Variants in SIDT1 observed in about 807,000 individuals in gnomAD.
SIDT1 encodes the protein SID1 transmembrane family, member 1.
In SIDT1, 101 loss-of-function variants were observed where a neutral mutation model predicts 107.5. That is an observed-to-expected ratio of 0.94 (90% CI 0.80 to 1.11). The LOEUF (loss-of-function observed/expected upper bound fraction) is 1.11, where lower values mean the gene tolerates loss of function less well. SIDT1 is among the 50% of genes least tolerant of loss of function. SIDT1 has a pLI of 0.00. For synonymous variants in SIDT1, 395 were observed against 398.2 expected, an observed-to-expected ratio of 0.99 and a Z score of 0.10; for missense variants, 1,076 against 1,058.2, an observed-to-expected ratio of 1.02 and a Z score of -0.23.
chr3:113,542,902 TTGTGTGTGTG>T lies in SIDT1; in HGVS notation c.222+9687_222+9696del, dbSNP rs71625216. Reference sequence around the variant, plus strand: ...AGACTTTTAATTAGTTTTTGCTTGGTTGTGTGTGTGTGTGTGTGTGTGTGTGTGTGTGTGT... The same window carrying T: ...AGACTTTTAATTAGTTTTTGCTTGGTTGTGTGTGTGTGTGTGTGTGTGTGT... On this transcript the variant is annotated intron_variant, in intron 1 of 24. Transcript: ENST00000264852. 2.4e-3 allele frequency among the ~76,000 whole-genome samples: 354 copies of T among 145,242 alleles called. 2 individuals carry two copies. Among genetic ancestry groups the T allele is most frequent in the African/African-American group, 7.7e-3 (301 of 39,158 alleles).
chr3:113,605,036 C>G, intron 14 of SIDT1, 60 bp downstream of exon 14: 1 of 1,566,676 alleles, frequency 6.4e-7, no homozygotes, highest in Admixed American at 1.7e-5. Context: ...GGGAGAGTCT[C>G]CACTGTGACT....
At chr3:113,610,932 A>C in intron 17 of SIDT1, 76 bp from the exon 18 acceptor site, 1 of 1,544,486 alleles carries the variant, frequency 6.5e-7, no homozygotes, top group Non-Finnish European at 8.8e-7. Flanking sequence ...TCAGAGTCTG[A>C]AGAAAAATCT....
Position 113,572,996 on chromosome 3 carries a change from CT to C in SIDT1, c.516-3913del, listed in dbSNP as rs67858249. Among the ~76,000 whole-genome samples, 344 of 145,568 alleles carry C rather than the reference CT, an allele frequency of 2.4e-3. 1 individual carries two copies. Among genetic ancestry groups the C allele is most frequent in the African/African-American group, 6.3e-3 (250 of 39,908 alleles). ...GAGACTACAATAAAGATTTACATTCCTTTTTTTTTTTTTCTCTCTTAATGAT... is the reference window on the plus strand; with the variant it reads ...GAGACTACAATAAAGATTTACATTCCTTTTTTTTTTTTCTCTCTTAATGAT... On this transcript the variant is annotated intron_variant, in intron 3 of 24. Transcript: ENST00000264852.
the SIDT1 span, among the ~76,000 whole-genome samples, chr3:113,635,360 C>T: frequency 6.6e-6 from 1 of 152,070 alleles, no homozygotes; most frequent in Non-Finnish European, 1.5e-5. Flanking sequence ...GGTTAAAAAA[C>T]ATTCAAAAAC....
rs1187331925 is a variant in SIDT1 at position 113,532,608 on chromosome 3, G to A, written c.-414G>A. On this transcript the variant is annotated 5_prime_UTR_variant, in exon 1 of 25. Coordinates refer to ENST00000264852, the MANE Select transcript of SIDT1 (RefSeq NM_017699.3). ...CGATGTGGCGTCAGGTTGACTTTTC[G>A]AGACTAGCGGGTATTTCTTTTTAAT... 1 of 163,188 alleles carries A rather than the reference G, an allele frequency of 6.1e-6. No homozygotes were observed. The highest frequency in any genetic ancestry group is 2.4e-5 in the African/African-American group (1 of 41,952). The allele number at this position is 163,188 out of a possible 1,614,324, so 10.1% of individuals were successfully genotyped here.
chr3:113,626,992 T>C (rs1344015677), intron 24 of SIDT1, among the ~76,000 whole-genome samples: 1 of 152,144 alleles, frequency 6.6e-6, no homozygotes, highest in Non-Finnish European at 1.5e-5. Context: ...GCTTGGCCAA[T>C]CTGTATAAAC....
rs1947054951 is a variant in SIDT1 at position 113,629,501 on chromosome 3, C to G, written c.*1793C>G. The G allele has an allele frequency of 6.6e-6, 1 of 152,186 alleles. No individual in the cohort carries two copies. The allele number at this position is 152,186 out of a possible 1,614,324, so 9.4% of individuals were successfully genotyped here. A position where few individuals can be genotyped will look rare whatever the true frequency, so the allele number is the denominator to read the frequency against. On this transcript the variant is annotated 3_prime_UTR_variant, in exon 25 of 25. Transcript: ENST00000264852. ...GCAGTGAACTATGATTGTGCCCCTG[C>G]ACTCCAGCCTGGATGACAGAGTGAG...
chr3:113,578,832 G>T lies in SIDT1; in HGVS notation c.562-1776G>T, dbSNP rs115282541. The stretch of plus-strand genomic sequence containing the variant: ...ATTGTGCCATTGCACCCTAGCCTGG[G>T]TGACAGCGTGAGACCCTATCTCTGA... On this transcript the variant is annotated intron_variant, in intron 4 of 24. Coordinates refer to ENST00000264852, the MANE Select transcript of SIDT1 (RefSeq NM_017699.3). Among the ~76,000 whole-genome samples, 508 of 152,198 alleles carry T rather than the reference G, an allele frequency of 3.3e-3. 2 individuals are homozygous for T. The highest frequency in any genetic ancestry group is 6.0e-3 in the Non-Finnish European group (405 of 68,014).
intron 21 of SIDT1, among the ~76,000 whole-genome samples, chr3:113,620,973 G>A (rs1343616727): frequency 6.6e-6 from 1 of 152,134 alleles, no homozygotes; most frequent in Non-Finnish European, 1.5e-5. Flanking sequence ...TGGAACAAAA[G>A]GGCCTCTAGG....
intron 10 of SIDT1, among the ~76,000 whole-genome samples, chr3:113,600,120 G>A (rs1384429560): frequency 1.3e-5 from 2 of 152,038 alleles, no homozygotes; most frequent in African/African-American, 2.4e-5. Flanking sequence ...GACCAGCCTG[G>A]CCAACATGGT....
chr3:113,533,639 A>T (rs1937739310), intron 1 of SIDT1, among the ~76,000 whole-genome samples: 1 of 152,214 alleles, frequency 6.6e-6, no homozygotes, highest in Admixed American at 6.5e-5. Flanking sequence ...ACCTAATTTC[A>T]AGTGGCTGAT....
downstream of SIDT1, among the ~76,000 whole-genome samples, chr3:113,632,044 G>A (rs374038695): frequency 8.6e-5 from 13 of 152,042 alleles, no homozygotes; most frequent in African/African-American, 3.1e-4. Flanking sequence ...TTTCACTGGA[G>A]ATGAACAATA....
chr3:113,557,968 C>T (rs1365191709), intron 1 of SIDT1, among the ~76,000 whole-genome samples: 1 of 152,154 alleles, frequency 6.6e-6, no homozygotes, highest in African/African-American at 2.4e-5. Flanking sequence ...TAAAGAGAGG[C>T]AGTTAGTGCT....
chr3:113,615,154 C>G, intron 19 of SIDT1: 1 of 1,451,150 alleles, frequency 6.9e-7, no homozygotes, highest in Non-Finnish European at 9.3e-7. Flanking sequence ...CCTGGCAGCC[C>G]TGCTCCCTGA....
Position 113,533,053 on chromosome 3 carries a change from G to A in SIDT1, c.32G>A (p.Cys11Tyr). The A allele has an allele frequency of 1.0e-5, 15 of 1,453,968 alleles. No homozygotes were observed. Among genetic ancestry groups the A allele is most frequent in the Non-Finnish European group, 1.4e-5 (15 of 1,104,672 alleles). 90.1% of individuals were successfully genotyped at this position (1,453,968 alleles called of 1,614,324 possible). A position where few individuals can be genotyped will look rare whatever the true frequency, so the allele number is the denominator to read the frequency against. MRGCLRLALL[C>Y]ALPWLLLAAS... is the part of the protein sequence containing the mutation. ...GGCTGCCTGCGGCTCGCGCTGCTCT[G>A]CGCGCTGCCCTGGCTCCTGCTGGCG... The change falls in exon 1 of 25, where the codon TGC (cysteine) becomes TAC (tyrosine). Residue 11 changes from cysteine (C) to tyrosine (Y), a missense_variant. By Grantham distance (194) the Cys-to-Tyr change is radical. Coordinates refer to ENST00000264852, the MANE Select transcript of SIDT1 (RefSeq NM_017699.3).
chr3:113,539,040 C>G (rs924633790), intron 1 of SIDT1, among the ~76,000 whole-genome samples: 5 of 152,034 alleles, frequency 3.3e-5, no homozygotes, highest in Admixed American at 2.0e-4. Flanking sequence ...AGCTGGAATA[C>G]TTCTATAACG....
chr3:113,604,793 T>A, intron 13 of SIDT1, 117 bp from the exon 14 acceptor site: 2 of 1,163,062 alleles, frequency 1.7e-6, no homozygotes, highest in Non-Finnish European at 1.3e-6. Flanking sequence ...CAGCTTCTGG[T>A]TACTTTTGCA....
At chr3:113,568,818 G>A (rs1942174723) in intron 3 of SIDT1, among the ~76,000 whole-genome samples, 1 of 151,884 alleles carries the variant, frequency 6.6e-6, no homozygotes, top group Non-Finnish European at 1.5e-5. Flanking sequence ...CCAACAACAT[G>A]GATACATCTC....
intron 20 of SIDT1, 21 bp downstream of exon 20, chr3:113,616,197 T>C: frequency 6.4e-7 from 1 of 1,567,904 alleles, no homozygotes; most frequent in Non-Finnish European, 8.8e-7. Context: ...GTTCCTGTGT[T>C]CTTTGGCCCT....
Sources: gnomAD v4.1 joint callset for allele counts (sites outside exome capture counted in the v4.1 genomes callset) on GRCh38, gnomAD v4.1.1 for gene constraint, MANE v1.5 for transcripts, NCBI Gene and HGNC (gene_info 2026-07-23, HGNC 2026-07-21) for gene names.